Variants in TMC2 observed in about 807,000 individuals in gnomAD.
TMC2 encodes transmembrane channel like 2.
Under a neutral mutation model 105.9 loss-of-function variants are expected in TMC2, and 102 were observed. That is an observed-to-expected ratio of 0.96 (90% CI 0.82 to 1.14). TMC2 has a LOEUF of 1.14. Among genes scored for constraint, TMC2 ranks in the 50% most tolerant of loss-of-function variants. The pLI, the probability that TMC2 is intolerant of heterozygous loss-of-function variation, is 0.00. For synonymous variants in TMC2, 402 were observed against 422.8 expected, an observed-to-expected ratio of 0.95 and a Z score of 0.60; for missense variants, 1,093 against 1,134.3, an observed-to-expected ratio of 0.96 and a Z score of 0.52.
At chr20:2,599,259 C>G (rs2086332079) in intron 10 of TMC2, among the ~76,000 whole-genome samples, 1 of 142,266 alleles carries the variant, frequency 7.0e-6, no homozygotes, top group South Asian at 2.2e-4. Flanking sequence ...CAGAGTGAGA[C>G]TCTGGCTCAA....
At chr20:2,639,926 T>C (rs1230033934) in intron 19 of TMC2, among the ~76,000 whole-genome samples, 1 of 152,220 alleles carries the variant, frequency 6.6e-6, no homozygotes, top group Non-Finnish European at 1.5e-5. Context: ...GCAGACACTT[T>C]AGCCTTGGAT....
chr20:2,577,400 G>T (rs1013875894), intron 5 of TMC2, among the ~76,000 whole-genome samples: 14 of 152,124 alleles, frequency 9.2e-5, no homozygotes, highest in Non-Finnish European at 1.8e-4. Flanking sequence ...CAATGAGACT[G>T]GGCTGCCCAG....
Position 2,592,484 on chromosome 20 carries a change from A to G in TMC2, c.933+76A>G. ...AAGATTGCATGGATAAGTATGAAATAGTGCGTTTAATTATTGAAAAACCAT... is the reference window on the plus strand; with the variant it reads ...AAGATTGCATGGATAAGTATGAAATGGTGCGTTTAATTATTGAAAAACCAT... On this transcript the variant is annotated intron_variant, in intron 8 of 19. Transcript: ENST00000358864. This position sits in a 1 kb window ranked among gnomAD's most constrained non-coding sequence, Gnocchi z 4.9. The G allele has an allele frequency of 2.0e-6, 2 of 1,017,160 alleles. No homozygotes were observed. Among genetic ancestry groups the G allele is most frequent in the Non-Finnish European group, 3.1e-6 (2 of 640,828 alleles). 63.0% of individuals were successfully genotyped at this position (1,017,160 alleles called of 1,614,324 possible).
chr20:2,546,573 T>A (rs1340860199), intron 2 of TMC2, among the ~76,000 whole-genome samples: 1 of 152,086 alleles, frequency 6.6e-6, no homozygotes, highest in East Asian at 1.9e-4. Flanking sequence ...TAGCTTGAGG[T>A]CACCAATAGG....
intron 2 of TMC2, among the ~76,000 whole-genome samples, chr20:2,545,758 G>A (rs1453001776): frequency 6.7e-6 from 1 of 148,428 alleles, no homozygotes; most frequent in Non-Finnish European, 1.5e-5. Context: ...GGAAGAAGAA[G>A]ACGAGGAAGA....
intron 7 of TMC2, among the ~76,000 whole-genome samples, chr20:2,582,130 A>G (rs1227174111): frequency 6.6e-6 from 1 of 152,166 alleles, no homozygotes; most frequent in Non-Finnish European, 1.5e-5. Context: ...ATCAATGGGA[A>G]TGGATTAAAA....
chr20:2,622,280 C>A (rs929366085), intron 16 of TMC2, among the ~76,000 whole-genome samples: 2 of 152,320 alleles, frequency 1.3e-5, no homozygotes, highest in Admixed American at 1.3e-4. Flanking sequence ...TTTTATACTT[C>A]AATTTTTACA....
chr20:2,637,661 G>A, intron 19 of TMC2, 70 bp downstream of exon 19: 1 of 1,101,418 alleles, frequency 9.1e-7, no homozygotes, highest in Non-Finnish European at 1.4e-6. Context: ...CTATGAAACA[G>A]CGTGAAATCA....
At chr20:2,540,894 C>T (rs539458208) in intron 2 of TMC2, among the ~76,000 whole-genome samples, 2 of 152,220 alleles carry the variant, frequency 1.3e-5, no homozygotes, top group African/African-American at 4.8e-5. Context: ...CACCCTTACC[C>T]TCCAGATTTC....
intron 2 of TMC2, among the ~76,000 whole-genome samples, chr20:2,548,988 A>G (rs1600096130): frequency 1.3e-5 from 2 of 152,360 alleles, no homozygotes; most frequent in Middle Eastern, 6.8e-3. Context: ...AGCTGTTTTT[A>G]TGAAATTAAA....
chr20:2,566,038 CAA>C (rs1228379406), intron 4 of TMC2, among the ~76,000 whole-genome samples: 1 of 151,888 alleles, frequency 6.6e-6, no homozygotes, highest in Non-Finnish European at 1.5e-5. Context: ...ACTCTGTCTC[CAA>C]AAAACATATG....
chr20:2,602,230 A>G lies in TMC2; in HGVS notation c.1342A>G (p.Ile448Val). 6.2e-7 allele frequency: 1 copy of G among 1,613,468 alleles called. No homozygotes were observed. The highest frequency in any genetic ancestry group is 8.5e-7 in the Non-Finnish European group (1 of 1,179,782). The change falls in exon 11 of 20, where the codon ATT becomes GTT. Residue 448 changes from isoleucine to valine, a missense_variant. By Grantham distance (29) the Ile-to-Val change is conservative. Coordinates refer to ENST00000358864, the MANE Select transcript of TMC2 (RefSeq NM_080751.3). ...ICCLCGSGYL[I>V]YFVVKRSQQF... The stretch of plus-strand genomic sequence containing the variant: ...CTGTTTGTGTGGAAGTGGGTACCTC[A>G]TTTACTTTGTGGTTAAGCGATCTCA...
intron 3 of TMC2, 31 bp from the exon 4 acceptor site, chr20:2,561,827 C>G: frequency 6.2e-7 from 1 of 1,600,028 alleles, no homozygotes; most frequent in Non-Finnish European, 8.5e-7. Flanking sequence ...TTTCCAACTT[C>G]CCTCTGCCTC....
At chr20:2,615,986 A>T (rs2086477802) in intron 14 of TMC2, 151 bp from the exon 15 acceptor site, 1 of 544,946 alleles carries the variant, frequency 1.8e-6, no homozygotes, top group African/African-American at 1.9e-5. Context: ...ATAGAATGCT[A>T]AATCTAAGGT....
chr20:2,611,088 G>T (rs866555129), intron 12 of TMC2, among the ~76,000 whole-genome samples: 3 of 152,200 alleles, frequency 2.0e-5, no homozygotes, highest in African/African-American at 7.2e-5. Flanking sequence ...GCACGCTGTG[G>T]GATGTGCTTC....
chr20:2,607,975 T>A (rs2086405983), intron 11 of TMC2, among the ~76,000 whole-genome samples: 2 of 151,904 alleles, frequency 1.3e-5, no homozygotes, highest in African/African-American at 4.8e-5. Context: ...ATACAAAAAA[T>A]TAGCTGGGCA....
intron 4 of TMC2, among the ~76,000 whole-genome samples, chr20:2,564,392 C>T (rs943368401): frequency 1.3e-5 from 2 of 152,016 alleles, no homozygotes; most frequent in Non-Finnish European, 2.9e-5. Context: ...CCTCATGATC[C>T]GCCCGCCTCG....
At chr20:2,639,847 G>C (rs2146276172) in intron 19 of TMC2, among the ~76,000 whole-genome samples, 1 of 152,278 alleles carries the variant, frequency 6.6e-6, no homozygotes, top group African/African-American at 2.4e-5. Flanking sequence ...CAAGTTGAAA[G>C]AGACCATCTC....
At chr20:2,591,409 T>G (rs1600116819) in intron 7 of TMC2, among the ~76,000 whole-genome samples, 1 of 152,270 alleles carries the variant, frequency 6.6e-6, no homozygotes, top group African/African-American at 2.4e-5. Flanking sequence ...AGGTAATTTT[T>G]AAAATGCTCT....
Sources: gnomAD v4.1 joint callset for allele counts (sites outside exome capture counted in the v4.1 genomes callset) on GRCh38, gnomAD v4.1.1 for gene constraint, Gnocchi (gnomAD v3.1) non-coding constraint, MANE v1.5 for transcripts, NCBI Gene and HGNC (gene_info 2026-07-23, HGNC 2026-07-21) for gene names.